SLC50A1: variants seen among roughly 807,000 people sequenced by gnomAD.
SLC50A1 encodes solute carrier family 50 member 1.
A neutral mutation model predicts 28.9 loss-of-function variants in SLC50A1; 22 were observed. The observed-to-expected ratio is 0.76, with a 90% CI of 0.54 to 1.09. The LOEUF is 1.09. Ranked by LOEUF, SLC50A1 falls within the 50% of genes least tolerant of loss-of-function variation. SLC50A1 has a pLI of 0.00. For synonymous variants in SLC50A1, 96 were observed against 110.6 expected, an observed-to-expected ratio of 0.87 and a Z score of 0.83; for missense variants, 233 against 273.4, an observed-to-expected ratio of 0.85 and a Z score of 1.04.
chr1:155,137,985 G>A lies in SLC50A1; in HGVS notation c.451G>A (p.Val151Met). 6.2e-7 allele frequency: 1 copy of A among 1,614,128 alleles called. No homozygotes were observed. Among genetic ancestry groups the A allele is most frequent in the African/African-American group, 1.3e-5 (1 of 75,000 alleles). ...YLSPLADLAK[V>M]IQTKSTQCLS... ...CTTCCATTCTTTCCCACAGGCTAAG[G>A]TGATTCAAACTAAATCAACCCAATG... The change falls in exon 5 of 6, where the codon GTG (valine) becomes ATG (methionine). Residue 151 changes from valine (V) to methionine (M), a missense_variant. Val to Met is a conservative substitution (Grantham distance 21). Coordinates refer to ENST00000368404, the MANE Select transcript of SLC50A1 (RefSeq NM_018845.4).
Position 155,135,854 on chromosome 1 carries a change from G to A in SLC50A1, c.-58G>A, listed in dbSNP as rs938376436. 6.2e-7 allele frequency: 1 copy of A among 1,609,496 alleles called. No homozygotes were observed. The highest frequency in any genetic ancestry group is 8.5e-7 in the Non-Finnish European group (1 of 1,178,214). On this transcript the variant is annotated 5_prime_UTR_variant, in exon 1 of 6. Coordinates refer to ENST00000368404, the MANE Select transcript of SLC50A1 (RefSeq NM_018845.4). Reference sequence around the variant, plus strand: ...GAGCCGCAGGTCTGGGCTGCAGTAGGTCCCGGCAACCGCAGGCTCGCGGCG... The same window carrying A: ...GAGCCGCAGGTCTGGGCTGCAGTAGATCCCGGCAACCGCAGGCTCGCGGCG...
intron 1 of SLC50A1, 31 bp from the exon 2 acceptor site, chr1:155,136,268 C>A (rs1362149567): frequency 4.8e-6 from 7 of 1,445,240 alleles, no homozygotes; most frequent in Non-Finnish European, 6.7e-6. Flanking sequence ...CCCTTCCCAC[C>A]CCCACCCCTC....
chr1:155,138,317 A>T lies in SLC50A1; in HGVS notation c.*36A>T. 6.2e-7 allele frequency: 1 copy of T among 1,601,350 alleles called. No individual in the cohort carries two copies. The highest frequency in any genetic ancestry group is 8.5e-7 in the Non-Finnish European group (1 of 1,171,504). ...CTGACCACTGGGCACCTTAGTGCCAACCTGAACCAAAGAGACCTCCTTGTT... is the reference window on the plus strand; with the variant it reads ...CTGACCACTGGGCACCTTAGTGCCATCCTGAACCAAAGAGACCTCCTTGTT... On this transcript the variant is annotated 3_prime_UTR_variant, in exon 6 of 6. Transcript: ENST00000368404.
upstream of SLC50A1, chr1:155,135,790 C>A (rs944094353): frequency 2.6e-6 from 4 of 1,554,466 alleles, no homozygotes; most frequent in African/African-American, 5.5e-5. Context: ...ACGGCCCGAG[C>A]GTGCGGGGGC....
In SLC50A1 at chr1:155,138,042, C is replaced by T. The variant is rs756735590; in HGVS notation, c.508C>T (p.Leu170Phe). 7 of 1,614,056 alleles carry T rather than the reference C, an allele frequency of 4.3e-6. No individual in the cohort carries two copies. In the African/African-American group the frequency reaches 5.3e-5, roughly 12 times the overall value. ...CTACCCACTCACCATTGCTACCCTTCTCACCTCTGCCTCCTGGTGCCTCTA... is the reference window on the plus strand; with the variant it reads ...CTACCCACTCACCATTGCTACCCTTTTCACCTCTGCCTCCTGGTGCCTCTA... ...LSYPLTIATL[L>F]TSASWCLYGF... Residue 170 changes from leucine (L) to phenylalanine (F), a missense_variant, in exon 5 of 6, where the codon CTC becomes TTC. Transcript: ENST00000368404.
chr1:155,136,415 A>C, intron 2 of SLC50A1, 39 bp downstream of exon 2: 7 of 1,499,606 alleles, frequency 4.7e-6, no homozygotes, highest in Non-Finnish European at 4.6e-6. Context: ...AAAGGCTACC[A>C]GAGGGAGGTG....
upstream of SLC50A1, chr1:155,135,843 G>C (rs906232436): frequency 1.8e-5 from 29 of 1,604,458 alleles, no homozygotes; most frequent in Non-Finnish European, 2.4e-5. Context: ...CGCAGGTCTG[G>C]GCTGCAGTAG....
At position 155,135,901 on chromosome 1, in the gene SLC50A1, C is replaced by T. The variant is rs1200791222; in HGVS notation, c.-11C>T. ...GGCGGGCGCTGGGCGCGGGATCCGA[C>T]TCTAGTCGTAATGGAGGCGGGCGGC... is the stretch of plus-strand genomic sequence containing the variant. On this transcript the variant is annotated 5_prime_UTR_variant, in exon 1 of 6. Coordinates refer to ENST00000368404, the MANE Select transcript of SLC50A1 (RefSeq NM_018845.4). 8 of 1,613,514 alleles carry T rather than the reference C, an allele frequency of 5.0e-6. No individual in the cohort carries two copies. Among genetic ancestry groups the T allele is most frequent in the Admixed American group, 1.7e-5 (1 of 59,936 alleles).
At position 155,135,999 on chromosome 1, in the gene SLC50A1, T is replaced by A. The variant is rs1425362209; in HGVS notation, c.80+8T>A. ...CATGTTCTCCGCCGGCCTGTGAGAG[T>A]GCGGCCGGGCTGGGTTGGGGAGGAC... On this transcript the variant is annotated splice_region_variant and intron_variant, in intron 1 of 5. Transcript: ENST00000368404. The A allele has an allele frequency of 6.2e-7, 1 of 1,613,460 alleles. No individual in the cohort carries two copies. Among genetic ancestry groups the A allele is most frequent in the Non-Finnish European group, 8.5e-7 (1 of 1,179,822 alleles).
At chr1:155,135,726 A>G, upstream of SLC50A1, 1 of 1,549,380 alleles carries the variant, frequency 6.5e-7, no homozygotes, top group Non-Finnish European at 8.7e-7. Context: ...GAGGGGCGCG[A>G]GTTCCGGTTC....
intron 2 of SLC50A1, 192 bp from the exon 3 acceptor site, chr1:155,136,636 G>A (rs1043676486): frequency 2.4e-6 from 2 of 842,694 alleles, no homozygotes; most frequent in Admixed American, 2.8e-5. Context: ...CCAGCTACTC[G>A]GGAGGCTGAG....
chr1:155,136,227 A>G, intron 1 of SLC50A1, 72 bp from the exon 2 acceptor site: 2 of 1,135,890 alleles, frequency 1.8e-6, no homozygotes, highest in Non-Finnish European at 2.6e-6. Flanking sequence ...GATGACAGGC[A>G]TTGGGCATCC....
chr1:155,136,543 A>AC (rs1481663738), intron 2 of SLC50A1, 167 bp downstream of exon 2: 1 of 732,730 alleles, frequency 1.4e-6, no homozygotes, highest in African/African-American at 1.8e-5. Flanking sequence ...GGAGATCCAG[A>AC]CCATCCTGGC....
rs1223678188 is a variant in SLC50A1 at position 155,138,247 on chromosome 1, A to G, written c.632A>G (p.Glu211Gly). 1.9e-6 allele frequency: 3 copies of G among 1,614,068 alleles called. No homozygotes were observed. The African/African-American group carries it at 4.0e-5, about 22-fold the overall frequency. ...RFWLFWKYPQ[E>G]QDRNYWLLQT ...TGGCTTTTCTGGAAGTACCCCCAGG[A>G]GCAAGACAGGAACTACTGGCTCCTG... The change falls in exon 6 of 6, where the codon GAG becomes GGG. Residue 211 changes from glutamate to glycine, a missense_variant. Coordinates refer to ENST00000368404, the MANE Select transcript of SLC50A1 (RefSeq NM_018845.4).
At position 155,138,092 on chromosome 1, in the gene SLC50A1, T is replaced by G; in HGVS notation, c.558T>G (p.Tyr186Ter). The G allele has an allele frequency of 6.2e-7, 1 of 1,614,176 alleles. No individual in the cohort carries two copies. Among genetic ancestry groups the G allele is most frequent in the Non-Finnish European group, 8.5e-7 (1 of 1,180,032 alleles). The change falls in exon 5 of 6, where the codon TAT becomes TAG. Residue 186 changes from tyrosine (Y) to a stop codon, truncating the protein, a stop_gained. Transcript: ENST00000368404. LOFTEE classifies it high-confidence loss of function. The part of the protein sequence containing the change: ...CLYGFRLRDP[Y>*]IMVSNFPGIV... ...ATGGGTTTCGACTCAGAGATCCCTATATCATGGTAAGCACAACTGGGATGG... is the reference window on the plus strand; with the variant it reads ...ATGGGTTTCGACTCAGAGATCCCTAGATCATGGTAAGCACAACTGGGATGG...
chr1:155,137,349 C>T (rs2102484698), intron 3 of SLC50A1, among the ~76,000 whole-genome samples: 1 of 152,338 alleles, frequency 6.6e-6, no homozygotes. Context: ...CAGAAAAAAA[C>T]ACATATTTAT....
At chr1:155,135,526 G>T, upstream of SLC50A1, 1 of 1,448,206 alleles carries the variant, frequency 6.9e-7, no homozygotes, top group Non-Finnish European at 9.2e-7. Context: ...TTGTTTGGAG[G>T]TCCACCGCCG....
rs1429790366 is a variant in SLC50A1, at chr1:155,138,185, C to T, written c.570C>T (p.Ser190=). ...FRLRDPYIMV[S]NFPGIVTSFI... is the part of the protein sequence containing the mutation. ...AGCAGTTCTTGTGATTTCAGGTGTC[C>T]AACTTTCCAGGAATCGTCACCAGCT... The change falls in exon 6 of 6, where the codon TCC becomes TCT. Residue 190 remains serine (S), a synonymous_variant. Coordinates refer to ENST00000368404, the MANE Select transcript of SLC50A1 (RefSeq NM_018845.4). The T allele has an allele frequency of 3.1e-6, 5 of 1,614,154 alleles. No homozygotes were observed. In the South Asian group the frequency reaches 3.3e-5, roughly 11 times the overall value.
upstream of SLC50A1, chr1:155,135,678 G>T (rs571739222): frequency 1.3e-6 from 2 of 1,550,322 alleles, no homozygotes; most frequent in Non-Finnish European, 1.7e-6. Context: ...GGACATGGAA[G>T]AGGTCTGGAC....
Sources: allele counts gnomAD v4.1 joint callset (sites outside exome capture counted in the v4.1 genomes callset), GRCh38; gene constraint gnomAD v4.1.1; transcripts MANE v1.5; gene names NCBI Gene and HGNC (gene_info 2026-07-23, HGNC 2026-07-21).